The following CRPPA variants were observed in gnomAD, a reference collection of about 807,000 sequenced individuals.
The protein encoded by CRPPA is CDP-L-ribitol pyrophosphorylase A.
A neutral mutation model predicts 52.0 loss-of-function variants in CRPPA; 43 were observed. That is an observed-to-expected ratio of 0.83 (90% CI 0.65 to 1.07). The LOEUF (loss-of-function observed/expected upper bound fraction) is 1.07, where lower values mean the gene tolerates loss of function less well. CRPPA is among the 50% of genes least tolerant of loss of function. The pLI, the probability that CRPPA is intolerant of heterozygous loss-of-function variation, is 0.00. For missense variants in CRPPA, 629 were observed against 551.7 expected (o/e 1.14, Z -1.40); for synonymous variants, 250 against 203.5 (o/e 1.23, Z -1.94).
intron 9 of CRPPA, among the ~76,000 whole-genome samples, chr7:16,120,620 C>A (rs1204384624): frequency 6.6e-6 from 1 of 152,124 alleles, no homozygotes; most frequent in Non-Finnish European, 1.5e-5. Flanking sequence ...TCGTCTTGTT[C>A]CTTGGCTATA....
rs1785287742 is a variant in CRPPA, at chr7:16,322,671, C to T, written c.685-14044G>A. Among the ~76,000 whole-genome samples, 2 of 152,044 alleles carry T rather than the reference C, an allele frequency of 1.3e-5. 1 individual carries two copies. The highest frequency in any genetic ancestry group is 2.9e-5 in the Non-Finnish European group (2 of 68,002). On this transcript the variant is annotated intron_variant, in intron 3 of 9. Transcript: ENST00000407010. ...AGCAGGATTTCAAAATTTCTACAGA[C>T]CAGTGATTGGTATTTGCTTCCTATT...
intron 8 of CRPPA, among the ~76,000 whole-genome samples, chr7:16,254,824 A>C (rs948447574): frequency 6.7e-6 from 1 of 149,114 alleles, no homozygotes; most frequent in African/African-American, 2.4e-5. Flanking sequence ...AAAGAAAGAA[A>C]GAAAGAAAGA....
At chr7:16,101,093 G>C (rs1181858181) in intron 9 of CRPPA, among the ~76,000 whole-genome samples, 2 of 152,142 alleles carry the variant, frequency 1.3e-5, no homozygotes, top group Non-Finnish European at 2.9e-5. Flanking sequence ...TGTTCATCAG[G>C]GATATTGGCC....
At chr7:16,331,743 A>G (rs1770687918) in intron 3 of CRPPA, among the ~76,000 whole-genome samples, 1 of 152,210 alleles carries the variant, frequency 6.6e-6, no homozygotes, top group African/African-American at 2.4e-5. Flanking sequence ...CAGACTGAAA[A>G]TGGCTGAGGA....
intron 9 of CRPPA, among the ~76,000 whole-genome samples, chr7:16,122,585 G>A (rs2128370218): frequency 6.6e-6 from 1 of 152,138 alleles, no homozygotes; most frequent in East Asian, 1.9e-4. Context: ...AACTTGAACT[G>A]AGAAACCTAT....
chr7:16,281,413 GATGTTTTA>G, intron 5 of CRPPA, among the ~76,000 whole-genome samples: 1 of 152,068 alleles, frequency 6.6e-6, no homozygotes, highest in Admixed American at 6.5e-5. Context: ...CTTATAAACT[GATGTTTTA>G]TAGATTTTAA....
In CRPPA at chr7:16,376,085, T is replaced by C; in HGVS notation, c.684+7A>G. ...CAGCAGCTTATTCAAAAAGCCCAAA[T>C]TCTTACCTGCTGATATGCTTCATAA... On this transcript the variant is annotated splice_region_variant and intron_variant, in intron 3 of 9. Transcript: ENST00000407010. 1.3e-6 allele frequency: 2 copies of C among 1,563,610 alleles called. No homozygotes were observed. Among genetic ancestry groups the C allele is most frequent in the Non-Finnish European group, 1.7e-6 (2 of 1,155,688 alleles).
intron 9 of CRPPA, among the ~76,000 whole-genome samples, chr7:16,177,116 G>C (rs1725596744): frequency 6.6e-6 from 1 of 152,096 alleles, no homozygotes; most frequent in African/African-American, 2.4e-5. Flanking sequence ...TATAATGACA[G>C]AAGAGAAATC....
At chr7:16,343,280 A>C (rs1013940951) in intron 3 of CRPPA, among the ~76,000 whole-genome samples, 1 of 152,124 alleles carries the variant, frequency 6.6e-6, no homozygotes, top group Non-Finnish European at 1.5e-5. Flanking sequence ...AAAACACTGA[A>C]TCCTGGTAAT....
intron 2 of CRPPA, among the ~76,000 whole-genome samples, chr7:16,383,202 CTTCT>C (rs1329677876): frequency 3.3e-5 from 5 of 152,096 alleles, no homozygotes; most frequent in Admixed American, 6.6e-5. Flanking sequence ...CTTAGTTTTC[CTTCT>C]AACAGACAGG....
chr7:16,359,579 G>T (rs778659602), intron 3 of CRPPA, among the ~76,000 whole-genome samples: 2 of 152,178 alleles, frequency 1.3e-5, no homozygotes, highest in Non-Finnish European at 2.9e-5. Flanking sequence ...TCCTCCAGAA[G>T]TGAGAACCTA....
At chr7:16,325,054 C>CT (rs1785350935) in intron 3 of CRPPA, among the ~76,000 whole-genome samples, 1 of 152,172 alleles carries the variant, frequency 6.6e-6, no homozygotes, top group Non-Finnish European at 1.5e-5. Flanking sequence ...AAGCAGCAAA[C>CT]TTTTTGCTTC....
chr7:16,286,095 A>ATATATATATATAT (rs1554309930), intron 5 of CRPPA, among the ~76,000 whole-genome samples: 3 of 26,516 alleles, frequency 1.1e-4, no homozygotes, highest in African/African-American at 3.4e-4. Flanking sequence ...TTTAAAAAAA[A>ATATATATATATAT]AAATATATAT....
At chr7:16,141,613 G>C (rs1222231990) in intron 9 of CRPPA, among the ~76,000 whole-genome samples, 1 of 152,162 alleles carries the variant, frequency 6.6e-6, no homozygotes, top group Non-Finnish European at 1.5e-5. Context: ...TCCTTCTCAA[G>C]CTAGTAATCA....
chr7:16,365,740 A>C (rs1431854028), intron 3 of CRPPA, among the ~76,000 whole-genome samples: 1 of 152,220 alleles, frequency 6.6e-6, no homozygotes, highest in Non-Finnish European at 1.5e-5. Flanking sequence ...ACGGACAAGA[A>C]CTTAAACAAG....
At chr7:16,183,960 G>C (rs1429932909) in intron 9 of CRPPA, among the ~76,000 whole-genome samples, 1 of 151,622 alleles carries the variant, frequency 6.6e-6, no homozygotes, top group Non-Finnish European at 1.5e-5. Context: ...GTTTGTTTTT[G>C]AGACAGAGTT....
At chr7:16,166,668 G>A (rs918108700) in intron 9 of CRPPA, among the ~76,000 whole-genome samples, 4 of 152,034 alleles carry the variant, frequency 2.6e-5, no homozygotes, top group African/African-American at 9.7e-5. Context: ...TGTCCTACTC[G>A]AGAGTCTCCA....
intron 9 of CRPPA, among the ~76,000 whole-genome samples, chr7:16,144,203 C>T (rs1329980821): frequency 6.6e-6 from 1 of 152,170 alleles, no homozygotes; most frequent in African/African-American, 2.4e-5. Context: ...CCACTCCTCC[C>T]CAGTCCTGCC....
chr7:16,379,843 T>C (rs1051168097), intron 2 of CRPPA, among the ~76,000 whole-genome samples: 2 of 152,224 alleles, frequency 1.3e-5, no homozygotes, highest in African/African-American at 4.8e-5. Context: ...TGATTTTATA[T>C]CCCGAGACTT....
Sources: gnomAD v4.1 joint callset for allele counts (sites outside exome capture counted in the v4.1 genomes callset) on GRCh38, gnomAD v4.1.1 for gene constraint, MANE v1.5 for transcripts, NCBI Gene and HGNC (gene_info 2026-07-23, HGNC 2026-07-21) for gene names.